Variants in NPAS3 observed in about 807,000 individuals in gnomAD.
NPAS3 encodes the protein neuronal PAS domain protein 3.
In NPAS3, 14 loss-of-function variants were observed where a neutral mutation model predicts 73.1. The observed-to-expected ratio is 0.19, with a 90% CI of 0.13 to 0.30. NPAS3 has a LOEUF of 0.30. Among genes scored for constraint, NPAS3 ranks in the 10% least tolerant of loss-of-function variants. The probability of loss-of-function intolerance (pLI) is 1.00; values close to 1 mark genes in which losing one functional copy is unlikely to be tolerated. For synonymous variants in NPAS3, 620 were observed against 541.5 expected (o/e 1.14, Z -2.01); for missense variants, 1,096 against 1,250.0 (o/e 0.88, Z 1.86).
intron 3 of NPAS3, among the ~76,000 whole-genome samples, chr14:33,220,900 T>C (rs77299218): frequency 0.013 from 2,003 of 152,290 alleles, 42 homozygotes; most frequent in African/African-American, 0.045. Flanking sequence ...AGAAAGCATA[T>C]TTTTGAGAGT....
chr14:33,550,686 A>G (rs2055070183), intron 4 of NPAS3, among the ~76,000 whole-genome samples: 2 of 152,332 alleles, frequency 1.3e-5, no homozygotes, highest in South Asian at 4.1e-4. Context: ...ATGGTAAACC[A>G]TGTTGTTTAT....
intron 2 of NPAS3, among the ~76,000 whole-genome samples, chr14:33,204,283 C>T (rs2046738624): frequency 1.3e-5 from 2 of 152,138 alleles, no homozygotes; most frequent in South Asian, 2.1e-4. Flanking sequence ...CACATAAAAA[C>T]ATTTAGGCTC....
chr14:33,004,089 A>G (rs896953899), intron 1 of NPAS3, among the ~76,000 whole-genome samples: 5 of 152,202 alleles, frequency 3.3e-5, no homozygotes, highest in Admixed American at 2.0e-4. Context: ...TGTAAAGATT[A>G]AATGAATTAT....
intron 6 of NPAS3, among the ~76,000 whole-genome samples, chr14:33,693,653 C>T (rs771019758): frequency 1.1e-4 from 16 of 152,148 alleles, no homozygotes; most frequent in Non-Finnish European, 1.9e-4. Context: ...AAGAGCTGCA[C>T]TCTGACAGCC....
intron 3 of NPAS3, among the ~76,000 whole-genome samples, chr14:33,273,196 C>T (rs2041176130): frequency 2.0e-5 from 3 of 152,182 alleles, no homozygotes; most frequent in African/African-American, 7.2e-5. Flanking sequence ...CTTCCCCAGA[C>T]TCACTGTCTC....
intron 5 of NPAS3, among the ~76,000 whole-genome samples, chr14:33,620,641 ATTAAT>A (rs1353416966): frequency 6.6e-6 from 1 of 152,216 alleles, no homozygotes; most frequent in Non-Finnish European, 1.5e-5. Flanking sequence ...TTAATTTGAA[ATTAAT>A]TTCAAAAATC....
rs887580500 is a variant in NPAS3 at position 33,180,482 on chromosome 14, C to G, written c.141-34700C>G. ...ACATGTTCTTAATGTTGCAAATAATCGTTCATGATTTAATACTTAAGTAAA... is the reference window on the plus strand; with the variant it reads ...ACATGTTCTTAATGTTGCAAATAATGGTTCATGATTTAATACTTAAGTAAA... On this transcript the variant is annotated intron_variant, in intron 2 of 11. Coordinates refer to ENST00000356141, the Ensembl canonical transcript of NPAS3. Among the ~76,000 whole-genome samples the G allele has an allele frequency of 7.2e-5, 11 of 152,158 alleles. No homozygotes were observed. In the South Asian group the frequency reaches 1.0e-3, roughly 14 times the overall value.
chr14:33,563,537 C>CACACACACACACAGAG, intron 5 of NPAS3, among the ~76,000 whole-genome samples: 9 of 119,648 alleles, frequency 7.5e-5, no homozygotes, highest in African/African-American at 3.4e-4. Flanking sequence ...CACACACACA[C>CACACACACACACAGAG]AGAGAGAGAG....
chr14:33,361,176 G>A (rs2140390981), intron 3 of NPAS3, among the ~76,000 whole-genome samples: 1 of 152,280 alleles, frequency 6.6e-6, no homozygotes, highest in Admixed American at 6.5e-5. Flanking sequence ...AAAGAAAGGT[G>A]GGTAGGCGAA....
At chr14:33,049,586 A>G (rs1327325786) in intron 1 of NPAS3, among the ~76,000 whole-genome samples, 1 of 152,216 alleles carries the variant, frequency 6.6e-6, no homozygotes, top group African/African-American at 2.4e-5. Context: ...ACAGCACAGG[A>G]AAGACCTGCC....
chr14:33,438,376 G>T (rs1026801285), intron 4 of NPAS3, among the ~76,000 whole-genome samples: 1 of 152,166 alleles, frequency 6.6e-6, no homozygotes, highest in African/African-American at 2.4e-5. Flanking sequence ...AACGGAAGGC[G>T]AACTACTGCT....
chr14:33,034,048 G>C (rs1289136030), intron 1 of NPAS3, among the ~76,000 whole-genome samples: 1 of 151,960 alleles, frequency 6.6e-6, no homozygotes, highest in Non-Finnish European at 1.5e-5. Context: ...AAATGTAATG[G>C]CTTTTAATCA....
chr14:33,628,026 C>G (rs922454382), intron 5 of NPAS3, among the ~76,000 whole-genome samples: 1 of 152,208 alleles, frequency 6.6e-6, no homozygotes. Context: ...TTAAAGTTCA[C>G]ACTTTGGAAG....
chr14:33,529,382 G>A (rs927689481), intron 4 of NPAS3, among the ~76,000 whole-genome samples: 2 of 151,998 alleles, frequency 1.3e-5, no homozygotes, highest in Admixed American at 6.6e-5. Context: ...AAATAACCTC[G>A]TAACAGTGGA....
chr14:33,145,352 G>T (rs1018356988), intron 2 of NPAS3, among the ~76,000 whole-genome samples: 3 of 152,196 alleles, frequency 2.0e-5, no homozygotes, highest in Non-Finnish European at 4.4e-5. Context: ...TCAAAGGAAA[G>T]TTAGAAAGTT....
chr14:32,959,905 A>G (rs145008510), intron 1 of NPAS3, among the ~76,000 whole-genome samples: 7 of 152,304 alleles, frequency 4.6e-5, no homozygotes, highest in African/African-American at 1.4e-4. Flanking sequence ...GCTTATGTCA[A>G]CTGGCATAAA....
At chr14:33,562,918 C>CACACACACACACACA (rs1595160661) in intron 5 of NPAS3, among the ~76,000 whole-genome samples, 2 of 151,630 alleles carry the variant, frequency 1.3e-5, no homozygotes, top group African/African-American at 4.9e-5. Flanking sequence ...CACACACACA[C>CACACACACACACACA]CCTTAATCAA....
At chr14:32,997,460 C>T (rs1043857212) in intron 1 of NPAS3, among the ~76,000 whole-genome samples, 5 of 152,092 alleles carry the variant, frequency 3.3e-5, no homozygotes, top group Admixed American at 2.0e-4. Flanking sequence ...ACCCAAGTCT[C>T]ATGTTGCAAG....
intron 5 of NPAS3, among the ~76,000 whole-genome samples, chr14:33,563,307 T>C (rs1393642332): frequency 6.6e-6 from 1 of 152,102 alleles, no homozygotes. Context: ...TCTACTGAGC[T>C]CTGTTGTGTA....
Sources: allele counts gnomAD v4.1 joint callset (sites outside exome capture counted in the v4.1 genomes callset), GRCh38; gene constraint gnomAD v4.1.1; transcripts MANE v1.5; gene names NCBI Gene and HGNC (gene_info 2026-07-23, HGNC 2026-07-21).